MACROD2: variants seen among roughly 807,000 people sequenced by gnomAD.
MACROD2 encodes ADP-ribose glycohydrolase MACROD2.
MACROD2 carries 36 observed loss-of-function variants against 70.4 expected under a neutral mutation model. That is an observed-to-expected ratio of 0.51 (90% CI 0.39 to 0.68). MACROD2 has a LOEUF of 0.68. Ranked by LOEUF, MACROD2 falls within the 30% of genes least tolerant of loss-of-function variation. MACROD2 has a pLI of 0.00. For missense variants in MACROD2, 496 were observed against 538.4 expected (o/e 0.92, Z 0.78); for synonymous variants, 172 against 178.8 (o/e 0.96, Z 0.30).
At chr20:15,520,888 A>G (rs1348706923) in intron 8 of MACROD2, among the ~76,000 whole-genome samples, 1 of 152,202 alleles carries the variant, frequency 6.6e-6, no homozygotes, top group African/African-American at 2.4e-5. Context: ...GAGTTTGAAA[A>G]CTTGCCATGG....
chr20:15,096,524 T>G (rs1448521971), intron 5 of MACROD2, among the ~76,000 whole-genome samples: 1 of 140,922 alleles, frequency 7.1e-6, no homozygotes, highest in African/African-American at 2.6e-5. Context: ...GTTCCTTTTT[T>G]TGAGACAGAG....
chr20:14,477,387 G>A (rs554529794), intron 3 of MACROD2, among the ~76,000 whole-genome samples: 1 of 152,260 alleles, frequency 6.6e-6, no homozygotes, highest in East Asian at 1.9e-4. Flanking sequence ...GCACAACACT[G>A]TTCATTGAGT....
At chr20:15,832,799 A>C (rs1027465965) in intron 8 of MACROD2, among the ~76,000 whole-genome samples, 5 of 152,194 alleles carry the variant, frequency 3.3e-5, no homozygotes, top group Non-Finnish European at 5.9e-5. Context: ...CATGTTCAAC[A>C]AGTTGTCCAG....
intron 5 of MACROD2, among the ~76,000 whole-genome samples, chr20:14,759,762 G>A (rs865913874): frequency 6.6e-6 from 1 of 152,090 alleles, no homozygotes; most frequent in African/African-American, 2.4e-5. Flanking sequence ...TGTAGATGCT[G>A]GAGAGAAATT....
chr20:15,169,583 G>T (rs1399282854), intron 5 of MACROD2, among the ~76,000 whole-genome samples: 1 of 152,188 alleles, frequency 6.6e-6, no homozygotes, highest in Non-Finnish European at 1.5e-5. Flanking sequence ...AGTTATTGCA[G>T]AGGGATTTAA....
chr20:15,132,654 G>T (rs1043906048), intron 5 of MACROD2, among the ~76,000 whole-genome samples: 4 of 151,854 alleles, frequency 2.6e-5, no homozygotes, highest in Admixed American at 2.6e-4. Flanking sequence ...TAATTCTTGA[G>T]TTACAGAAGA....
chr20:15,291,296 G>T (rs946652018), intron 6 of MACROD2, among the ~76,000 whole-genome samples: 2 of 152,138 alleles, frequency 1.3e-5, no homozygotes, highest in African/African-American at 4.8e-5. Context: ...AGTCTTTTGG[G>T]ATTTAGATGG....
chr20:14,069,748 G>A (rs770169151), intron 2 of MACROD2, among the ~76,000 whole-genome samples: 70 of 149,738 alleles, frequency 4.7e-4, no homozygotes, highest in Non-Finnish European at 9.0e-4. Context: ...CCCAAAGAAT[G>A]TCACTTCCCT....
intron 3 of MACROD2, among the ~76,000 whole-genome samples, chr20:14,260,095 A>T (rs910338295): frequency 6.6e-6 from 1 of 152,352 alleles, no homozygotes; most frequent in Non-Finnish European, 1.5e-5. Flanking sequence ...ATTTTAAAAG[A>T]GAAATGCAAA....
intron 8 of MACROD2, among the ~76,000 whole-genome samples, chr20:15,670,065 T>G (rs1315162534): frequency 2.0e-5 from 3 of 152,186 alleles, no homozygotes; most frequent in South Asian, 2.1e-4. Context: ...TGTTGGGGTG[T>G]CCCTGACCCC....
intron 5 of MACROD2, among the ~76,000 whole-genome samples, chr20:14,899,855 G>T (rs966452052): frequency 6.6e-6 from 1 of 152,084 alleles, no homozygotes; most frequent in African/African-American, 2.4e-5. Flanking sequence ...ATCTAACTGG[G>T]CAGTGTTGGT....
intron 2 of MACROD2, chr20:14,003,769 T>G: frequency 5.0e-6 from 2 of 397,864 alleles, no homozygotes; most frequent in South Asian, 3.7e-5. Flanking sequence ...AATAAAATCT[T>G]GTACAAAGGT....
At chr20:16,024,069 A>G (rs1034451218) in intron 15 of MACROD2, among the ~76,000 whole-genome samples, 3 of 152,198 alleles carry the variant, frequency 2.0e-5, no homozygotes, top group African/African-American at 7.2e-5. Flanking sequence ...TGCTCCAAAT[A>G]GCTAGGAGAC....
intron 10 of MACROD2, chr20:15,893,969 G>T: frequency 2.2e-6 from 1 of 456,512 alleles, no homozygotes; most frequent in Non-Finnish European, 4.4e-6. Context: ...GAGGAGTCCT[G>T]CACTGGGCAG....
At chr20:15,188,090 G>A (rs535317255) in intron 5 of MACROD2, among the ~76,000 whole-genome samples, 2 of 152,116 alleles carry the variant, frequency 1.3e-5, no homozygotes, top group Non-Finnish European at 2.9e-5. Flanking sequence ...TGGTAAGACA[G>A]CCATCATCTT....
intron 6 of MACROD2, among the ~76,000 whole-genome samples, chr20:15,312,251 T>A (rs573472444): frequency 3.0e-4 from 45 of 152,366 alleles, no homozygotes; most frequent in Admixed American, 2.7e-3. Flanking sequence ...TTTGAGAAGA[T>A]TGAACACTGG....
chr20:14,411,800 G>C (rs961072101), intron 3 of MACROD2, among the ~76,000 whole-genome samples: 1 of 151,988 alleles, frequency 6.6e-6, no homozygotes, highest in Admixed American at 6.6e-5. Flanking sequence ...ACTATGGGGG[G>C]CACTATTTAC....
chr20:14,151,811 CTTTTTTTTTTTTT>C (rs144065987), intron 3 of MACROD2, among the ~76,000 whole-genome samples: 11 of 59,190 alleles, frequency 1.9e-4, no homozygotes, highest in African/African-American at 5.6e-4. Context: ...TGTATTGTAT[CTTTTTTTTTTTTT>C]TTTTTTTTTT....
intron 3 of MACROD2, among the ~76,000 whole-genome samples, chr20:14,361,123 A>G (rs1237263722): frequency 6.6e-6 from 1 of 152,158 alleles, no homozygotes; most frequent in Non-Finnish European, 1.5e-5. Flanking sequence ...CTTATGTGCC[A>G]AGGCCATTGA....
Sources: gnomAD v4.1 joint callset for allele counts (sites outside exome capture counted in the v4.1 genomes callset) on GRCh38, gnomAD v4.1.1 for gene constraint, MANE v1.5 for transcripts, NCBI Gene and HGNC (gene_info 2026-07-23, HGNC 2026-07-21) for gene names.